CCDC88A: variants seen among roughly 807,000 people sequenced by gnomAD.
CCDC88A encodes the protein coiled-coil and HOOK domain protein 88A.
CCDC88A carries 54 observed loss-of-function variants against 234.3 expected under a neutral mutation model. That is an observed-to-expected ratio of 0.23 (90% CI 0.19 to 0.29). CCDC88A has a LOEUF of 0.29. CCDC88A is among the 10% of genes least tolerant of loss of function. CCDC88A has a pLI of 1.00. For missense variants in CCDC88A, 1,832 were observed against 2,123.4 expected (o/e 0.86, Z 2.70); for synonymous variants, 753 against 737.8 (o/e 1.02, Z -0.33).
chr2:55,344,087 C>T, intron 11 of CCDC88A: 1 of 359,396 alleles, frequency 2.8e-6, no homozygotes, highest in East Asian at 4.5e-5. Context: ...TTTTAGCAAT[C>T]AGATTTCTGT....
At chr2:55,368,008 C>G (rs1672273991) in intron 5 of CCDC88A, among the ~76,000 whole-genome samples, 1 of 152,152 alleles carries the variant, frequency 6.6e-6, no homozygotes, top group South Asian at 2.1e-4. Flanking sequence ...AGTCTTAGAA[C>G]AAAGAAATTT....
rs1668770627 is a variant in CCDC88A at position 55,343,766 on chromosome 2, A to C, written c.1215T>G (p.Ile405Met). 1 of 1,610,974 alleles carries C rather than the reference A, an allele frequency of 6.2e-7. No homozygotes were observed. The highest frequency in any genetic ancestry group is 1.1e-5 in the South Asian group (1 of 90,528). Reference sequence around the variant, plus strand: ...TCATATTTTCTTCCATTAATTCTTCAATCTTTTTTCTATCCATATCTCGTT... The same window carrying C: ...TCATATTTTCTTCCATTAATTCTTCCATCTTTTTTCTATCCATATCTCGTT... ...EMERDMDRKK[I>M]EELMEENMTL... is the part of the protein sequence containing the mutation. The change falls in exon 12 of 33, where the codon ATT (isoleucine) becomes ATG (methionine). Residue 405 changes from isoleucine (I) to methionine (M), a missense_variant. Ile to Met is a conservative substitution (Grantham distance 10). This residue lies in a region of CCDC88A where 1,282 missense variants were observed against 1,543.6 expected (regional missense o/e 0.83). Transcript: ENST00000436346.
In CCDC88A at chr2:55,368,891, T is replaced by C. The variant is rs1558755447; in HGVS notation, c.402+3561A>G. On this transcript the variant is annotated intron_variant, in intron 5 of 32. Transcript: ENST00000436346. ...CTTGTTGGCTGATTGGTTTCCTCAA[T>C]AGCTTCTTGTCCAGAAACACATTCT... 2.0e-5 allele frequency among the ~76,000 whole-genome samples: 3 copies of C among 152,222 alleles called. No homozygotes were observed. The South Asian group carries it at 6.2e-4, about 31-fold the overall frequency.
chr2:55,341,292 G>A lies in CCDC88A; in HGVS notation c.1334-1644C>T, dbSNP rs534762780. 1.1e-4 allele frequency among the ~76,000 whole-genome samples: 16 copies of A among 151,128 alleles called. No individual in the cohort carries two copies. In the East Asian group the frequency reaches 1.9e-3, roughly 18 times the overall value. Reference sequence around the variant, plus strand: ...CCCAAGCAGCTGGGACTACAGGCGCGCGCCACCACGCTCAGCAAATTTTTT... The same window carrying A: ...CCCAAGCAGCTGGGACTACAGGCGCACGCCACCACGCTCAGCAAATTTTTT... On this transcript the variant is annotated intron_variant, in intron 12 of 32. Coordinates refer to ENST00000436346, the MANE Select transcript of CCDC88A (RefSeq NM_001365480.1).
At chr2:55,361,487 C>G (rs1327345108) in intron 7 of CCDC88A, among the ~76,000 whole-genome samples, 1 of 152,080 alleles carries the variant, frequency 6.6e-6, no homozygotes, top group African/African-American at 2.4e-5. Context: ...AACTGACTAA[C>G]CCCTAGAGAG....
chr2:55,341,695 G>A (rs1466010419), intron 12 of CCDC88A, among the ~76,000 whole-genome samples: 3 of 151,800 alleles, frequency 2.0e-5, no homozygotes, highest in Non-Finnish European at 2.9e-5. Context: ...CACCCGCCTC[G>A]GCCTCCCAAA....
At chr2:55,407,653 A>G (rs1434541355) in intron 2 of CCDC88A, among the ~76,000 whole-genome samples, 1 of 151,694 alleles carries the variant, frequency 6.6e-6, no homozygotes, top group Non-Finnish European at 1.5e-5. Flanking sequence ...ATAAACAATT[A>G]CCTTTTTTTC....
chr2:55,297,323 ATATATAATATATAAATT>A (rs1680200617), intron 29 of CCDC88A, among the ~76,000 whole-genome samples: 1 of 61,484 alleles, frequency 1.6e-5, no homozygotes, highest in African/African-American at 6.0e-5. Context: ...TAAATATATA[ATATATAATATATAAATT>A]TATATATTAT....
chr2:55,323,252 T>C (rs1351556967), intron 17 of CCDC88A: 1 of 152,214 alleles, frequency 6.6e-6, no homozygotes, highest in East Asian at 1.9e-4. Flanking sequence ...AATTTAATAT[T>C]ACTATTCTTA....
In CCDC88A at chr2:55,334,177, G is replaced by A. The variant is rs1469234270; in HGVS notation, c.2644C>T (p.Arg882Cys). ...EIGIYKESCV[R>C]LKELEKENKE... ...TTTTCTTTTTCTAGTTCTTTCAGAC[G>A]GACACAAGATTCTTTATATATACCA... The change falls in exon 15 of 33, where the codon CGT (arginine) becomes TGT (cysteine). Residue 882 changes from arginine (R) to cysteine (C), a missense_variant. Arg to Cys is a radical substitution (Grantham distance 180). Coordinates refer to ENST00000436346, the MANE Select transcript of CCDC88A (RefSeq NM_001365480.1). The surrounding 1 kb of genome is among the most constrained non-coding windows in gnomAD (Gnocchi z 6.1). The A allele has an allele frequency of 1.5e-6, 2 of 1,370,514 alleles. No homozygotes were observed. Among genetic ancestry groups the A allele is most frequent in the Non-Finnish European group, 1.9e-6 (2 of 1,058,684 alleles). 84.9% of individuals were successfully genotyped at this position (1,370,514 alleles called of 1,614,324 possible). A position where few individuals can be genotyped will look rare whatever the true frequency, so the allele number is the denominator to read the frequency against.
chr2:55,299,775 C>G (rs1425378976), intron 29 of CCDC88A, 64 bp downstream of exon 29: 1 of 1,068,818 alleles, frequency 9.4e-7, no homozygotes, highest in Non-Finnish European at 1.4e-6. Flanking sequence ...AAACTTCATC[C>G]CATCTCCCAC....
chr2:55,341,840 A>AT (rs1454217346), intron 12 of CCDC88A, among the ~76,000 whole-genome samples: 3 of 152,160 alleles, frequency 2.0e-5, no homozygotes, highest in Non-Finnish European at 4.4e-5. Flanking sequence ...GGTTGATTCC[A>AT]TATCTTGACA....
intron 23 of CCDC88A, among the ~76,000 whole-genome samples, chr2:55,311,872 A>G (rs997596888): frequency 2.0e-5 from 3 of 152,312 alleles, no homozygotes; most frequent in East Asian, 1.9e-4. Context: ...TTGGTATGGC[A>G]TAGAACAACC....
chr2:55,356,742 C>G (rs1670638016), intron 7 of CCDC88A: 1 of 152,046 alleles, frequency 6.6e-6, no homozygotes, highest in African/African-American at 2.4e-5. Context: ...CCAGCCTGAC[C>G]AACATGGTGA....
At chr2:55,314,337 T>A (rs1476647828) in intron 22 of CCDC88A, 1 of 152,230 alleles carries the variant, frequency 6.6e-6, no homozygotes, top group Non-Finnish European at 1.5e-5. Context: ...TAAGGTTGTC[T>A]CGTTGTTAAA....
chr2:55,306,360 C>G (rs1681565424), intron 25 of CCDC88A: 1 of 151,938 alleles, frequency 6.6e-6, no homozygotes, highest in Admixed American at 6.6e-5. Context: ...ACTTGGTGGA[C>G]AAAACCAGAC....
intron 23 of CCDC88A, among the ~76,000 whole-genome samples, chr2:55,310,019 G>T (rs1405181396): frequency 6.6e-6 from 1 of 152,060 alleles, no homozygotes; most frequent in Non-Finnish European, 1.5e-5. Flanking sequence ...ACGAAATAAA[G>T]CCCCATGAAG....
At chr2:55,375,530 T>C (rs889068276) in intron 3 of CCDC88A, among the ~76,000 whole-genome samples, 5 of 93,360 alleles carry the variant, frequency 5.4e-5, no homozygotes, top group East Asian at 2.2e-4. Flanking sequence ...TGTATAAATA[T>C]GTTGGGTTTT....
intron 4 of CCDC88A, 71 bp downstream of exon 4, chr2:55,374,743 A>G: frequency 1.1e-6 from 1 of 879,582 alleles, no homozygotes; most frequent in Non-Finnish European, 1.8e-6. Flanking sequence ...ATAAGCTCTT[A>G]GTAAAAAATA....
Sources: gnomAD v4.1 joint callset for allele counts (sites outside exome capture counted in the v4.1 genomes callset) on GRCh38, gnomAD v4.1.1 for gene constraint, gnomAD v4.1.1 regional missense constraint, Gnocchi (gnomAD v3.1) non-coding constraint, MANE v1.5 for transcripts, NCBI Gene and HGNC (gene_info 2026-07-23, HGNC 2026-07-21) for gene names.